Variants in TTC3 observed in about 807,000 individuals in gnomAD.
TTC3 encodes the protein tetratricopeptide repeat domain 3.
TTC3 carries 180 observed loss-of-function variants against 249.6 expected under a neutral mutation model. That is an observed-to-expected ratio of 0.72 (90% confidence interval 0.64 to 0.82). The LOEUF is 0.82. Among genes scored for constraint, TTC3 ranks in the 40% least tolerant of loss-of-function variants. TTC3 has a pLI of 0.00. For synonymous variants in TTC3, 717 were observed against 805.0 expected (o/e 0.89, Z 1.85); for missense variants, 2,061 against 2,398.4 (o/e 0.86, Z 2.94).
intron 7 of TTC3, among the ~76,000 whole-genome samples, chr21:37,092,104 G>T (rs910433246): frequency 6.6e-6 from 1 of 152,110 alleles, no homozygotes; most frequent in Non-Finnish European, 1.5e-5. Context: ...TATGTATGAG[G>T]TAACTGCCTT....
intron 11 of TTC3, among the ~76,000 whole-genome samples, chr21:37,115,174 T>TATTATAATA (rs1555875656): frequency 1.4e-4 from 20 of 144,500 alleles, no homozygotes; most frequent in Admixed American, 9.0e-4. Flanking sequence ...AAACTTAAAG[T>TATTATAATA]ATAATAATAA....
chr21:37,096,836 T>G (rs531922797), intron 10 of TTC3, 193 bp downstream of exon 10: 2 of 494,160 alleles, frequency 4.0e-6, no homozygotes, highest in Admixed American at 7.7e-5. Context: ...TCTGATTGAG[T>G]GCAGACATAT....
chr21:37,120,122 T>C (rs771693399), intron 11 of TTC3, among the ~76,000 whole-genome samples: 1 of 152,224 alleles, frequency 6.6e-6, no homozygotes, highest in Non-Finnish European at 1.5e-5. Flanking sequence ...CTGACAGTCC[T>C]GCTGTTACTG....
intron 1 of TTC3, among the ~76,000 whole-genome samples, chr21:37,081,308 G>A (rs2071622275): frequency 6.6e-6 from 1 of 151,612 alleles, no homozygotes; most frequent in Non-Finnish European, 1.5e-5. Flanking sequence ...AGTAGAGATG[G>A]GGTTTCACCA....
rs146319684 is a variant in TTC3 at position 37,154,740 on chromosome 21, G to T, written c.2740+1463G>T. Among the ~76,000 whole-genome samples, 22 of 152,240 alleles carry T rather than the reference G, an allele frequency of 1.4e-4. No homozygotes were observed. In the East Asian group the frequency reaches 4.1e-3, roughly 28 times the overall value. ...AGACAGAGTGTCGCTCTGTTGCCCA[G>T]GCTGGAGTGCAGCGGCGCGATCTCG... On this transcript the variant is annotated intron_variant, in intron 27 of 45. Transcript: ENST00000355666.
At position 37,150,477 on chromosome 21, in the gene TTC3, A is replaced by G. The variant is rs374837498; in HGVS notation, c.2211+307A>G. On this transcript the variant is annotated intron_variant, in intron 24 of 45. Transcript: ENST00000355666. ...AACTTTTGGGCAGTAGTGGGTGTGC[A>G]GGTTTTTAGGGAGGGGGAAGAGCGT... Among the ~76,000 whole-genome samples, 127 of 152,234 alleles carry G rather than the reference A, an allele frequency of 8.3e-4. 2 individuals carry two copies. In the South Asian group the frequency reaches 0.025, roughly 31 times the overall value.
intron 34 of TTC3, among the ~76,000 whole-genome samples, 170 bp from the exon 35 acceptor site, chr21:37,172,425 G>C (rs1310772254): frequency 6.6e-6 from 1 of 152,164 alleles, no homozygotes; most frequent in Non-Finnish European, 1.5e-5. Flanking sequence ...TGCTGGTTTT[G>C]CTAAGCAGTG....
intron 5 of TTC3, 146 bp downstream of exon 5, chr21:37,089,032 C>T (rs1464171259): frequency 3.1e-6 from 2 of 648,172 alleles, no homozygotes; most frequent in East Asian, 2.9e-5. Flanking sequence ...TGCTGTCCAT[C>T]AGTGCGTGCT....
chr21:37,130,779 A>C (rs930987205), intron 16 of TTC3, among the ~76,000 whole-genome samples: 1 of 139,744 alleles, frequency 7.2e-6, no homozygotes, highest in Non-Finnish European at 1.5e-5. Context: ...CTATCCCTCT[A>C]TCCATCTCTC....
chr21:37,121,946 G>A (rs2076617996), exon 12 of TTC3: 1 of 1,611,540 alleles, frequency 6.2e-7, no homozygotes, highest in Non-Finnish European at 8.5e-7. Context: ...TCAGCAGCAT[G>A]TAAAGTTACA....
chr21:37,192,297 G>T, intron 41 of TTC3, 84 bp downstream of exon 41: 1 of 891,062 alleles, frequency 1.1e-6, no homozygotes, highest in Non-Finnish European at 1.7e-6. Context: ...GTTGTTTCCT[G>T]GGAGTGAGGA....
chr21:37,158,071 T>C (rs996943911), intron 28 of TTC3: 4 of 973,662 alleles, frequency 4.1e-6, no homozygotes, highest in Non-Finnish European at 4.9e-6. Context: ...AAGCTTACTT[T>C]TGACAACAAA....
chr21:37,165,688 A>C (rs761418726), exon 33 of TTC3: 1 of 1,613,930 alleles, frequency 6.2e-7, no homozygotes, highest in Admixed American at 1.7e-5. Flanking sequence ...TTCTCTTGGG[A>C]TGCCCTCGTT....
At chr21:37,099,384 A>C (rs1049804424) in intron 10 of TTC3, among the ~76,000 whole-genome samples, 2 of 152,228 alleles carry the variant, frequency 1.3e-5, no homozygotes, top group African/African-American at 4.8e-5. Flanking sequence ...GAGGCCAAGC[A>C]AAGTGTCTGA....
intron 15 of TTC3, among the ~76,000 whole-genome samples, chr21:37,127,051 TGCCATGCTG>T (rs1159000072): frequency 2.6e-5 from 4 of 152,200 alleles, no homozygotes; most frequent in Non-Finnish European, 1.5e-5. Context: ...GACAAGGTTT[TGCCATGCTG>T]GCCAGGCTGG....
At chr21:37,140,787 A>G in intron 20 of TTC3, 114 bp downstream of exon 20, 1 of 614,238 alleles carries the variant, frequency 1.6e-6, no homozygotes, top group Non-Finnish European at 2.5e-6. Context: ...GCACACTATC[A>G]TAATTGTGAT....
chr21:37,175,715 C>G (rs943271365), intron 35 of TTC3, among the ~76,000 whole-genome samples: 1 of 151,670 alleles, frequency 6.6e-6, no homozygotes, highest in African/African-American at 2.4e-5. Context: ...AGAATGGCCT[C>G]TTTAGGCAAT....
chr21:37,185,227 CT>C (rs961924063), intron 36 of TTC3, among the ~76,000 whole-genome samples: 1 of 152,242 alleles, frequency 6.6e-6, no homozygotes, highest in African/African-American at 2.4e-5. Flanking sequence ...GATTCACACA[CT>C]TGTTTTGAAG....
intron 1 of TTC3, among the ~76,000 whole-genome samples, chr21:37,079,025 G>A (rs2071261442): frequency 6.6e-6 from 1 of 152,088 alleles, no homozygotes; most frequent in Admixed American, 6.5e-5. Flanking sequence ...AATATCTTGT[G>A]TCTTTTCTTC....
Sources: allele counts gnomAD v4.1 joint callset (sites outside exome capture counted in the v4.1 genomes callset), GRCh38; gene constraint gnomAD v4.1.1; transcripts MANE v1.5; gene names NCBI Gene and HGNC (gene_info 2026-07-23, HGNC 2026-07-21).